The following ABL1 variants were observed in gnomAD, a reference collection of about 807,000 sequenced individuals.
ABL1 encodes the protein tyrosine-protein kinase ABL1.
ABL1 carries 11 observed loss-of-function variants against 94.7 expected under a neutral mutation model. That is an observed-to-expected ratio of 0.12 (90% confidence interval 0.07 to 0.19). The LOEUF (loss-of-function observed/expected upper bound fraction) is 0.19, where lower values mean the gene tolerates loss of function less well. Ranked by LOEUF, ABL1 falls within the 10% of genes least tolerant of loss-of-function variation. The pLI is 1.00. For missense variants in ABL1, 1,082 were observed against 1,489.4 expected, an observed-to-expected ratio of 0.73 and a Z score of 4.50; for synonymous variants, 656 against 622.4, an observed-to-expected ratio of 1.05 and a Z score of -0.80.
rs527348352 is a variant in ABL1 at position 130,800,829 on chromosome 9, A to G, written c.137-53235A>G. ...AGATTGCTTCCAACTTGAGGCTATT[A>G]TAGTACAGCTGCTATGAACATTTGT... On this transcript the variant is annotated intron_variant, in intron 1 of 10. Transcript: ENST00000372348. 2.0e-5 allele frequency among the ~76,000 whole-genome samples: 3 copies of G among 152,284 alleles called. No homozygotes were observed. In the East Asian group the frequency reaches 5.8e-4, roughly 29 times the overall value.
At position 130,880,286 on chromosome 9, in the gene ABL1, G is replaced by T; in HGVS notation, c.1513+129G>T. On this transcript the variant is annotated intron_variant, in intron 9 of 10. Coordinates refer to ENST00000318560, the MANE Select transcript of ABL1 (RefSeq NM_005157.6). This position sits in a 1 kb window ranked among gnomAD's most constrained non-coding sequence, Gnocchi z 4.4. Reference sequence around the variant, plus strand: ...AGCCTGTCCTGAGACCAGAAAGCTGGGCAGAGGTGTGGAGTATTGTGCTTT... The same window carrying T: ...AGCCTGTCCTGAGACCAGAAAGCTGTGCAGAGGTGTGGAGTATTGTGCTTT... 1 of 1,163,444 alleles carries T rather than the reference G, an allele frequency of 8.6e-7. No homozygotes were observed. The highest frequency in any genetic ancestry group is 1.3e-6 in the Non-Finnish European group (1 of 789,990). 72.1% of individuals were successfully genotyped at this position (1,163,444 alleles called of 1,614,324 possible). A position where few individuals can be genotyped will look rare whatever the true frequency, so the allele number is the denominator to read the frequency against.
chr9:130,718,019 A>G (rs1009538803), intron 1 of ABL1, among the ~76,000 whole-genome samples: 1 of 145,696 alleles, frequency 6.9e-6, no homozygotes, highest in African/African-American at 2.7e-5. Context: ...GTCTCAAAAA[A>G]AAAAAAAGAA....
chr9:130,779,922 C>T (rs1408803082), intron 1 of ABL1, among the ~76,000 whole-genome samples: 1 of 152,146 alleles, frequency 6.6e-6, no homozygotes, highest in African/African-American at 2.4e-5. Flanking sequence ...TTAATAGAGC[C>T]ACTCTGCTTT....
At chr9:130,737,991 C>T (rs1196012608) in intron 1 of ABL1, among the ~76,000 whole-genome samples, 3 of 152,012 alleles carry the variant, frequency 2.0e-5, no homozygotes, top group Non-Finnish European at 4.4e-5. Flanking sequence ...CCGCCACACC[C>T]AGCTAATTTT....
At chr9:130,729,036 C>T (rs1831627994) in intron 1 of ABL1, among the ~76,000 whole-genome samples, 1 of 152,170 alleles carries the variant, frequency 6.6e-6, no homozygotes, top group African/African-American at 2.4e-5. Context: ...CTGTAAGTGA[C>T]TGGTCGTTAA....
intron 1 of ABL1, among the ~76,000 whole-genome samples, chr9:130,786,027 A>C (rs771272282): frequency 6.6e-6 from 1 of 152,024 alleles, no homozygotes; most frequent in Non-Finnish European, 1.5e-5. Context: ...ATAAAAGAAA[A>C]TGGAAAATGT....
intron 1 of ABL1, among the ~76,000 whole-genome samples, chr9:130,798,619 C>T (rs1007833452): frequency 2.0e-5 from 3 of 152,090 alleles, no homozygotes; most frequent in African/African-American, 7.2e-5. Flanking sequence ...CTTTGTATGG[C>T]ATACTTGGCT....
At chr9:130,853,476 G>A (rs1052840535) in intron 1 of ABL1, among the ~76,000 whole-genome samples, 6 of 150,080 alleles carry the variant, frequency 4.0e-5, no homozygotes, top group Non-Finnish European at 5.9e-5. Context: ...GTGCAGTGGC[G>A]CAATCTCTGC....
At chr9:130,768,948 A>G (rs530538087) in intron 1 of ABL1, among the ~76,000 whole-genome samples, 45 of 152,320 alleles carry the variant, frequency 3.0e-4, no homozygotes, top group African/African-American at 1.1e-3. Context: ...ATATAATCCC[A>G]TTTATACTAC....
intron 7 of ABL1, among the ~76,000 whole-genome samples, chr9:130,877,707 A>C (rs1831371724): frequency 6.9e-6 from 1 of 144,882 alleles, no homozygotes; most frequent in African/African-American, 2.7e-5. Flanking sequence ...GTGGAGCAAT[A>C]TCAGCTCACT....
intron 3 of ABL1, among the ~76,000 whole-genome samples, chr9:130,861,614 C>T (rs1831072880): frequency 6.6e-6 from 1 of 151,976 alleles, no homozygotes; most frequent in Admixed American, 6.6e-5. Flanking sequence ...TGATCCTGTT[C>T]CCTTTTCTCC....
intron 1 of ABL1, among the ~76,000 whole-genome samples, chr9:130,793,719 A>G (rs1385592293): frequency 6.6e-6 from 1 of 152,046 alleles, no homozygotes; most frequent in Non-Finnish European, 1.5e-5. Flanking sequence ...CAGACTGGTC[A>G]TGGTCTGTGG....
At chr9:130,782,394 T>C (rs190835741) in intron 1 of ABL1, among the ~76,000 whole-genome samples, 12 of 152,318 alleles carry the variant, frequency 7.9e-5, no homozygotes, top group Admixed American at 7.9e-4. Context: ...TTGAAAAAGA[T>C]AGGCTGTGAC....
chr9:130,726,218 A>C (rs1831584053), intron 1 of ABL1, among the ~76,000 whole-genome samples: 2 of 149,896 alleles, frequency 1.3e-5, no homozygotes. Context: ...TTGAATGTAC[A>C]GCTTGATGAA....
At chr9:130,871,035 T>A (rs1368962882) in intron 4 of ABL1, among the ~76,000 whole-genome samples, 2 of 152,200 alleles carry the variant, frequency 1.3e-5, no homozygotes, top group Admixed American at 1.3e-4. Flanking sequence ...AATAGAAAGT[T>A]GATCAAGCCT....
chr9:130,765,968 T>C (rs1832177786), intron 1 of ABL1, among the ~76,000 whole-genome samples: 1 of 152,136 alleles, frequency 6.6e-6, no homozygotes, highest in Non-Finnish European at 1.5e-5. Flanking sequence ...GGTCTCATAT[T>C]TGAGTGCTTC....
chr9:130,842,852 C>A (rs1830696737), intron 1 of ABL1, among the ~76,000 whole-genome samples: 1 of 152,162 alleles, frequency 6.6e-6, no homozygotes, highest in African/African-American at 2.4e-5. Context: ...ATTCCTGGAA[C>A]CTGTTGGGAA....
At chr9:130,778,264 G>T (rs1298581306) in intron 1 of ABL1, among the ~76,000 whole-genome samples, 1 of 139,436 alleles carries the variant, frequency 7.2e-6, no homozygotes, top group Admixed American at 7.1e-5. Context: ...TGTGAGCAGG[G>T]GAATCGAGGA....
At chr9:130,787,495 G>A (rs908134417) in intron 1 of ABL1, among the ~76,000 whole-genome samples, 16 of 152,272 alleles carry the variant, frequency 1.1e-4, no homozygotes, top group Admixed American at 5.2e-4. Context: ...TCACCCCCAG[G>A]AGCAGCAGAT....
Sources: allele counts gnomAD v4.1 joint callset (sites outside exome capture counted in the v4.1 genomes callset), GRCh38; gene constraint gnomAD v4.1.1; non-coding constraint Gnocchi (gnomAD v3.1); transcripts MANE v1.5; gene names NCBI Gene and HGNC (gene_info 2026-07-23, HGNC 2026-07-21).